Variants in ZNRF1 observed in about 807,000 individuals in gnomAD.
The protein encoded by ZNRF1 is E3 ubiquitin-protein ligase ZNRF1.
A neutral mutation model predicts 18.4 loss-of-function variants in ZNRF1; 3 were observed. That is an observed-to-expected ratio of 0.16 (90% CI 0.07 to 0.42). The LOEUF is 0.42. ZNRF1 is among the 10% of genes least tolerant of loss of function. The pLI is 0.99. For synonymous variants in ZNRF1, 157 were observed against 144.2 expected (o/e 1.09, Z -0.64); for missense variants, 310 against 329.8 (o/e 0.94, Z 0.47).
intron 1 of ZNRF1, among the ~76,000 whole-genome samples, chr16:75,051,784 G>T (rs1320869876): frequency 1.3e-5 from 2 of 152,318 alleles, no homozygotes; most frequent in Non-Finnish European, 2.9e-5. Context: ...CCGAAGTGCT[G>T]TGATTACAGG....
intron 2 of ZNRF1, among the ~76,000 whole-genome samples, chr16:75,097,432 C>G (rs773840217): frequency 6.6e-6 from 1 of 152,162 alleles, no homozygotes; most frequent in Non-Finnish European, 1.5e-5. Flanking sequence ...AGCCCATGCT[C>G]AGCTTCTTAT....
chr16:75,023,329 C>T (rs1306132485), intron 1 of ZNRF1, among the ~76,000 whole-genome samples: 1 of 152,196 alleles, frequency 6.6e-6, no homozygotes. Flanking sequence ...CACATACCCA[C>T]ACCTTCTTTA....
At chr16:75,093,724 G>A in intron 2 of ZNRF1, 57 bp downstream of exon 2, 1 of 1,410,190 alleles carries the variant, frequency 7.1e-7, no homozygotes, top group Non-Finnish European at 1.0e-6. Context: ...GAGCCGGCCA[G>A]TCCTTGTGGG....
At chr16:75,064,105 C>G (rs1204645281) in intron 1 of ZNRF1, among the ~76,000 whole-genome samples, 1 of 151,890 alleles carries the variant, frequency 6.6e-6, no homozygotes, top group African/African-American at 2.4e-5. Context: ...TTGAGACCAG[C>G]CTGGGGAACA....
chr16:75,095,520 G>A, intron 2 of ZNRF1: 3 of 1,370,032 alleles, frequency 2.2e-6, no homozygotes, highest in Non-Finnish European at 2.9e-6. Flanking sequence ...TTTCCCACAT[G>A]TGTGGAGACC....
At chr16:75,027,412 G>A (rs1362125246) in intron 1 of ZNRF1, among the ~76,000 whole-genome samples, 7 of 152,310 alleles carry the variant, frequency 4.6e-5, no homozygotes, top group Admixed American at 3.9e-4. Flanking sequence ...GACATTCTTT[G>A]TAGTTTTGTA....
intron 1 of ZNRF1, among the ~76,000 whole-genome samples, chr16:75,026,532 T>C (rs1333950486): frequency 1.3e-5 from 2 of 152,240 alleles, no homozygotes; most frequent in African/African-American, 4.8e-5. Context: ...CCAGGCTTAA[T>C]ACTTCAGTGT....
intron 2 of ZNRF1, among the ~76,000 whole-genome samples, chr16:75,097,129 C>T (rs1159243918): frequency 6.6e-6 from 1 of 152,146 alleles, no homozygotes; most frequent in African/African-American, 2.4e-5. Flanking sequence ...TAATTTCTCT[C>T]CCTTTCTAAC....
At chr16:75,050,102 A>G (rs1332100557) in intron 1 of ZNRF1, among the ~76,000 whole-genome samples, 3 of 152,100 alleles carry the variant, frequency 2.0e-5, no homozygotes, top group African/African-American at 7.2e-5. Flanking sequence ...AATCCTTGGG[A>G]TTGGCTTTCT....
At chr16:75,060,994 C>G (rs2035737285) in intron 1 of ZNRF1, among the ~76,000 whole-genome samples, 1 of 151,876 alleles carries the variant, frequency 6.6e-6, no homozygotes, top group Non-Finnish European at 1.5e-5. Context: ...ATATGAAGCT[C>G]TGATTAAAAA....
intron 1 of ZNRF1, among the ~76,000 whole-genome samples, chr16:75,014,222 C>G (rs945044587): frequency 6.6e-6 from 1 of 152,122 alleles, no homozygotes. Flanking sequence ...TAAAACATTA[C>G]AGGTATAATT....
intron 1 of ZNRF1, among the ~76,000 whole-genome samples, chr16:75,071,026 G>T (rs926330234): frequency 1.3e-5 from 2 of 151,996 alleles, no homozygotes; most frequent in Non-Finnish European, 2.9e-5. Flanking sequence ...TATTTGCATA[G>T]GGCACAGCAG....
At chr16:75,096,318 C>T (rs1318595688) in intron 2 of ZNRF1, among the ~76,000 whole-genome samples, 1 of 152,080 alleles carries the variant, frequency 6.6e-6, no homozygotes, top group Non-Finnish European at 1.5e-5. Flanking sequence ...AGACCCTAAA[C>T]CTTCCAGGTA....
rs1163342560 is a variant in ZNRF1 at position 75,104,771 on chromosome 16, G to A, written c.521-13G>A. 6.3e-7 allele frequency: 1 copy of A among 1,587,542 alleles called. No individual in the cohort carries two copies. The highest frequency in any genetic ancestry group is 8.6e-7 in the Non-Finnish European group (1 of 1,167,486). On this transcript the variant is annotated splice_polypyrimidine_tract_variant and intron_variant, in intron 2 of 4. Transcript: ENST00000335325. ...GACTAACCCTCCTGCACTCTCCCCT[G>A]TCCCCCTTGCAGATGATGTGCTGAC... is the stretch of plus-strand genomic sequence containing the variant.
intron 1 of ZNRF1, among the ~76,000 whole-genome samples, chr16:75,087,042 C>T (rs2036082813): frequency 6.6e-6 from 1 of 152,172 alleles, no homozygotes; most frequent in Non-Finnish European, 1.5e-5. Context: ...GAAAAGGTTG[C>T]AGCTTCGGAA....
chr16:75,016,772 T>C, intron 1 of ZNRF1, among the ~76,000 whole-genome samples: 1 of 143,412 alleles, frequency 7.0e-6, no homozygotes, highest in Non-Finnish European at 1.5e-5. Flanking sequence ...CTCGAACTCC[T>C]GACCTCAGGT....
chr16:75,095,855 C>T (rs2036191266), intron 2 of ZNRF1: 11 of 1,029,240 alleles, frequency 1.1e-5, no homozygotes, highest in Non-Finnish European at 1.3e-6. Flanking sequence ...TGTTGGTTTA[C>T]CCCCCTACAC....
At chr16:75,080,924 A>G (rs2036003417) in intron 1 of ZNRF1, among the ~76,000 whole-genome samples, 1 of 152,006 alleles carries the variant, frequency 6.6e-6, no homozygotes, top group Non-Finnish European at 1.5e-5. Context: ...CTGTAATCCC[A>G]GTACTTTGGG....
chr16:75,073,545 T>G (rs2035900521), intron 1 of ZNRF1, among the ~76,000 whole-genome samples: 1 of 152,210 alleles, frequency 6.6e-6, no homozygotes, highest in Non-Finnish European at 1.5e-5. Flanking sequence ...ACATGGGTTT[T>G]GTTAATCTAA....
Sources: allele counts gnomAD v4.1 joint callset (sites outside exome capture counted in the v4.1 genomes callset), GRCh38; gene constraint gnomAD v4.1.1; transcripts MANE v1.5; gene names NCBI Gene and HGNC (gene_info 2026-07-23, HGNC 2026-07-21).